The following PCDHGA2 variants were observed in gnomAD, a reference collection of about 807,000 sequenced individuals.
PCDHGA2 encodes protocadherin gamma-A2.
PCDHGA2 carries 40 observed loss-of-function variants against 59.2 expected under a neutral mutation model. The ratio of observed to expected loss-of-function variants is 0.68; its 90% CI spans 0.52 to 0.88. PCDHGA2 has a LOEUF of 0.88. Among genes scored for constraint, PCDHGA2 ranks in the 40% least tolerant of loss-of-function variants. The pLI, the probability that PCDHGA2 is intolerant of heterozygous loss-of-function variation, is 0.00. For synonymous variants in PCDHGA2, 560 were observed against 526.0 expected (o/e 1.06, Z -0.89); for missense variants, 1,226 against 1,204.0 (o/e 1.02, Z -0.27).
chr5:141,357,722 C>A, intron 1 of PCDHGA2: 1 of 1,415,030 alleles, frequency 7.1e-7, no homozygotes, highest in Non-Finnish European at 9.5e-7. Context: ...AAAGTTGCCT[C>A]TTTTAATATT....
At chr5:141,471,965 G>A (rs919560714) in intron 1 of PCDHGA2, among the ~76,000 whole-genome samples, 4 of 152,160 alleles carry the variant, frequency 2.6e-5, no homozygotes, top group Non-Finnish European at 4.4e-5. Context: ...GGGGTTGGTT[G>A]CATTACTGTA....
At chr5:141,404,360 TC>T (rs780435528) in intron 1 of PCDHGA2, 1 of 1,613,900 alleles carries the variant, frequency 6.2e-7, no homozygotes. Context: ...CAGAGGTACT[TC>T]CATCTTCTCC....
At chr5:141,406,574 C>A (rs941574087) in intron 1 of PCDHGA2, among the ~76,000 whole-genome samples, 1 of 152,164 alleles carries the variant, frequency 6.6e-6, no homozygotes, top group African/African-American at 2.4e-5. Context: ...CCCTAGTAAA[C>A]CAATTTTTTC....
chr5:141,456,327 G>C (rs917430790), intron 1 of PCDHGA2, among the ~76,000 whole-genome samples: 1 of 152,186 alleles, frequency 6.6e-6, no homozygotes, highest in African/African-American at 2.4e-5. Flanking sequence ...TCCTGGGGTT[G>C]ATCTAAGGGT....
chr5:141,468,790 C>T (rs1215557602), intron 1 of PCDHGA2, among the ~76,000 whole-genome samples: 10 of 151,564 alleles, frequency 6.6e-5, no homozygotes, highest in African/African-American at 2.2e-4. Context: ...GGCGTGAACC[C>T]GGGAGGCGGA....
At chr5:141,403,001 T>C (rs1189114508) in intron 1 of PCDHGA2, 11 of 1,613,878 alleles carry the variant, frequency 6.8e-6, no homozygotes, top group African/African-American at 1.3e-5. Flanking sequence ...AGTCCTGCTA[T>C]GCTCGCTCCT....
chr5:141,352,654 T>A, intron 1 of PCDHGA2: 2 of 1,597,678 alleles, frequency 1.3e-6, no homozygotes, highest in South Asian at 2.2e-5. Flanking sequence ...CTTATGACCC[T>A]TCTTTGTCTT....
intron 1 of PCDHGA2, chr5:141,365,647 C>T: frequency 1.9e-6 from 3 of 1,613,544 alleles, no homozygotes; most frequent in Non-Finnish European, 2.5e-6. Flanking sequence ...GCCACATCCC[C>T]TTGAAAGTAG....
At position 141,360,209 on chromosome 5, in the gene PCDHGA2, TC is replaced by T. The variant is rs774225150; in HGVS notation, c.2424+18818del. The stretch of plus-strand genomic sequence containing the variant: ...CTGTTGCCCTTCCTGTTGTCTTTGT[TC>T]CCCGGGGCTCTCCCAGTCCAGATCC... On this transcript the variant is annotated intron_variant, in intron 1 of 3. Transcript: ENST00000394576. The T allele has an allele frequency of 6.2e-6, 10 of 1,613,002 alleles. No individual in the cohort carries two copies. In the South Asian group the frequency reaches 6.6e-5, roughly 11 times the overall value.
Position 141,476,598 on chromosome 5 carries a change from A to G in PCDHGA2, c.2425-18209A>G, listed in dbSNP as rs1222456783. The G allele has an allele frequency of 6.2e-7, 1 of 1,614,238 alleles. No homozygotes were observed. Among genetic ancestry groups the G allele is most frequent in the South Asian group, 1.1e-5 (1 of 91,088 alleles). On this transcript the variant is annotated intron_variant, in intron 1 of 3. Transcript: ENST00000394576. This position sits in a 1 kb window ranked among gnomAD's most constrained non-coding sequence, Gnocchi z 7.6. ...CGCTTTCCGCTCGAGAGCGCGCACG[A>G]TCCCGATGTGGGAAGCAACTCTTTA... is the stretch of plus-strand genomic sequence containing the variant.
chr5:141,350,689 C>T (rs772075731), intron 1 of PCDHGA2: 1 of 1,613,978 alleles, frequency 6.2e-7, no homozygotes, highest in South Asian at 1.1e-5. Flanking sequence ...GTGAGTCAGC[C>T]TTACCCGGGG....
rs6873304 is a variant in PCDHGA2, at chr5:141,369,666, G to A, written c.2424+28271G>A. ...GGGGGGAGATAATAAAGATAAAAGA[G>A]AAGAAAGTGAAACATAGAATAAAAC... On this transcript the variant is annotated intron_variant, in intron 1 of 3. Coordinates refer to ENST00000394576, the MANE Select transcript of PCDHGA2 (RefSeq NM_018915.4). 4.3e-3 allele frequency among the ~76,000 whole-genome samples: 662 copies of A among 152,228 alleles called. 7 individuals carry two copies. The highest frequency in any genetic ancestry group is 0.015 in the African/African-American group (637 of 41,556).
At position 141,477,019 on chromosome 5, in the gene PCDHGA2, C is replaced by T. The variant is rs148675327; in HGVS notation, c.2425-17788C>T. 1.9e-5 allele frequency: 30 copies of T among 1,614,242 alleles called. No individual in the cohort carries two copies. Among genetic ancestry groups the T allele is most frequent in the Non-Finnish European group, 2.5e-5 (30 of 1,180,048 alleles). On this transcript the variant is annotated intron_variant, in intron 1 of 3. Transcript: ENST00000394576. This position sits in a 1 kb window ranked among gnomAD's most constrained non-coding sequence, Gnocchi z 4.9. ...AACTATTCGCCTTAGACCTTGTAAC[C>T]GGGATGCTGACAATCAAGGGTCGGC...
intron 1 of PCDHGA2, among the ~76,000 whole-genome samples, chr5:141,373,593 T>G (rs1769715791): frequency 6.6e-6 from 1 of 152,258 alleles, no homozygotes; most frequent in African/African-American, 2.4e-5. Flanking sequence ...TGAAATGTGA[T>G]GATAATTCAA....
intron 3 of PCDHGA2, among the ~76,000 whole-genome samples, chr5:141,509,066 C>A (rs1215686419): frequency 6.6e-6 from 1 of 152,172 alleles, no homozygotes; most frequent in Non-Finnish European, 1.5e-5. Context: ...GCTCTCAGCT[C>A]CGGGGATTTG....
rs2098680935 is a variant in PCDHGA2, at chr5:141,450,471, G to A, written c.2425-44336G>A. 2.0e-5 allele frequency among the ~76,000 whole-genome samples: 3 copies of A among 147,910 alleles called. No homozygotes were observed. In the South Asian group the frequency reaches 6.2e-4, roughly 31 times the overall value. ...GTTTCCTCGTGATTTTATATATAGA[G>A]TTTGTTTGTTTGTTTGTCTGTTTGT... On this transcript the variant is annotated intron_variant, in intron 1 of 3. Transcript: ENST00000394576.
chr5:141,403,850 G>A lies in PCDHGA2; in HGVS notation c.2424+62455G>A, dbSNP rs368454282. The A allele has an allele frequency of 1.4e-5, 23 of 1,613,634 alleles. No individual in the cohort carries two copies. In the African/African-American group the frequency reaches 3.1e-4, roughly 22 times the overall value. On this transcript the variant is annotated intron_variant, in intron 1 of 3. Coordinates refer to ENST00000394576, the MANE Select transcript of PCDHGA2 (RefSeq NM_018915.4). Reference sequence around the variant, plus strand: ...ATTCCAGCTTAATGAAAATACTGGGGAAATATCAACAGCAAAAAGTCTAGA... The same window carrying A: ...ATTCCAGCTTAATGAAAATACTGGGAAAATATCAACAGCAAAAAGTCTAGA...
chr5:141,343,902 A>G (rs1757339173), intron 1 of PCDHGA2: 3 of 815,036 alleles, frequency 3.7e-6, no homozygotes, highest in Non-Finnish European at 3.7e-6. Context: ...TGCCAACCTC[A>G]CCTCTTAGTC....
At chr5:141,415,114 G>C (rs186848544) in intron 1 of PCDHGA2, 1 of 1,613,648 alleles carries the variant, frequency 6.2e-7, no homozygotes, top group Non-Finnish European at 8.5e-7. Flanking sequence ...GCAAAGCCTC[G>C]TAGTGGCCGT....
Sources: gnomAD v4.1 joint callset for allele counts (sites outside exome capture counted in the v4.1 genomes callset) on GRCh38, gnomAD v4.1.1 for gene constraint, Gnocchi (gnomAD v3.1) non-coding constraint, MANE v1.5 for transcripts, NCBI Gene and HGNC (gene_info 2026-07-23, HGNC 2026-07-21) for gene names.